The following TXK variants were observed in gnomAD, a reference collection of about 807,000 sequenced individuals.
The protein encoded by TXK is TXK tyrosine kinase, also known as tyrosine-protein kinase TXK.
Under a neutral mutation model 81.0 loss-of-function variants are expected in TXK, and 60 were observed. That is an observed-to-expected ratio of 0.74 (90% confidence interval 0.60 to 0.92). The LOEUF (loss-of-function observed/expected upper bound fraction) is 0.92, where lower values mean the gene tolerates loss of function less well. TXK is among the 40% of genes least tolerant of loss of function. TXK has a pLI of 0.00. For missense variants in TXK, 581 were observed against 638.3 expected (o/e 0.91, Z 0.97); for synonymous variants, 203 against 210.7 (o/e 0.96, Z 0.32).
At chr4:48,071,212 A>G (rs1716837881) in intron 14 of TXK, among the ~76,000 whole-genome samples, 1 of 152,102 alleles carries the variant, frequency 6.6e-6, no homozygotes, top group South Asian at 2.1e-4. Context: ...TTAATTCTTA[A>G]AGCTAATAAA....
intron 12 of TXK, among the ~76,000 whole-genome samples, 181 bp from the exon 13 acceptor site, chr4:48,074,234 G>A (rs956809167): frequency 7.2e-5 from 11 of 152,154 alleles, no homozygotes; most frequent in African/African-American, 2.7e-4. Context: ...CCCAAACAAA[G>A]TCTCAATTGT....
rs1396731686 is a variant in TXK, at chr4:48,086,463, T to C, written c.956+3A>G. 3.1e-6 allele frequency: 5 copies of C among 1,613,866 alleles called. No homozygotes were observed. The African/African-American group carries it at 6.7e-5, about 22-fold the overall frequency. ...TATTTATCAGGGTGTTGTTTATACG[T>C]ACATCATCACTTTGGCCTCTTCAAT... On this transcript the variant is annotated splice_donor_region_variant and intron_variant, in intron 10 of 14. Coordinates refer to ENST00000264316, the MANE Select transcript of TXK (RefSeq NM_003328.3).
intron 1 of TXK, among the ~76,000 whole-genome samples, chr4:48,126,874 C>A (rs947250753): frequency 2.0e-5 from 3 of 152,124 alleles, no homozygotes; most frequent in Non-Finnish European, 4.4e-5. Flanking sequence ...TAGAGAAATG[C>A]CTCCCCCAGC....
chr4:48,095,362 T>C, intron 6 of TXK, 140 bp from the exon 7 acceptor site: 1 of 624,870 alleles, frequency 1.6e-6, no homozygotes, highest in Non-Finnish European at 2.7e-6. Flanking sequence ...AATTAGATTG[T>C]CTTTACAAGT....
At chr4:48,122,589 G>A (rs1206056070) in intron 1 of TXK, among the ~76,000 whole-genome samples, 1 of 151,714 alleles carries the variant, frequency 6.6e-6, no homozygotes. Context: ...TTTGCTGTTT[G>A]TCTACCTCAC....
intron 6 of TXK, among the ~76,000 whole-genome samples, chr4:48,102,824 C>G (rs1255311478): frequency 1.3e-5 from 2 of 152,098 alleles, no homozygotes; most frequent in African/African-American, 4.8e-5. Context: ...ACTTTGAAAA[C>G]ATAATGTTTA....
intron 9 of TXK, 124 bp from the exon 10 acceptor site, chr4:48,086,761 G>A: frequency 5.9e-6 from 5 of 849,284 alleles, no homozygotes; most frequent in Non-Finnish European, 8.9e-6. Flanking sequence ...AAGTGGAGAG[G>A]ATATGAAGCC....
intron 6 of TXK, among the ~76,000 whole-genome samples, chr4:48,098,410 T>C (rs1718066873): frequency 6.6e-6 from 1 of 152,250 alleles, no homozygotes; most frequent in African/African-American, 2.4e-5. Flanking sequence ...ATTAGGTTTG[T>C]GCAAAAGTAA....
At chr4:48,089,126 T>C (rs1452367540) in intron 9 of TXK, among the ~76,000 whole-genome samples, 2 of 152,158 alleles carry the variant, frequency 1.3e-5, no homozygotes, top group African/African-American at 4.8e-5. Context: ...CAGGCACCCT[T>C]GAAACCAAAG....
intron 7 of TXK, among the ~76,000 whole-genome samples, chr4:48,094,483 A>AT (rs1222362167): frequency 1.3e-5 from 2 of 152,258 alleles, no homozygotes; most frequent in Non-Finnish European, 2.9e-5. Flanking sequence ...GTAAGTACAT[A>AT]TTGAATATCA....
intron 1 of TXK, among the ~76,000 whole-genome samples, chr4:48,132,944 TAAA>T (rs761044150): frequency 7.4e-6 from 1 of 134,472 alleles, no homozygotes; most frequent in Non-Finnish European, 1.6e-5. Context: ...AGACTCTGTC[TAAA>T]AAAAAAAAAA....
intron 1 of TXK, among the ~76,000 whole-genome samples, chr4:48,132,719 G>A (rs1719276489): frequency 6.6e-6 from 1 of 152,126 alleles, no homozygotes; most frequent in African/African-American, 2.4e-5. Flanking sequence ...GGAGGCTGAG[G>A]CAAATCACTT....
At chr4:48,121,853 A>AATGGTT (rs1485575938) in intron 1 of TXK, among the ~76,000 whole-genome samples, 2 of 152,196 alleles carry the variant, frequency 1.3e-5, no homozygotes, top group African/African-American at 4.8e-5. Context: ...GGAGATAGAG[A>AATGGTT]ATGGTTATGG....
rs1718668321 is a variant in TXK, at chr4:48,112,511, G to A, written c.176C>T (p.Ser59Phe). Reference sequence around the variant, plus strand: ...TGACGGCTGCACACGGCCCGTGTTGGACTGTGAAAACCAATAAGTGAGTTG... The same window carrying A: ...TGACGGCTGCACACGGCCCGTGTTGAACTGTGAAAACCAATAAGTGAGTTG... ...WLSQLSNKKQSNTGRVQPSKR... is the reference protein window; with the variant it reads ...WLSQLSNKKQFNTGRVQPSKR... Residue 59 changes from serine to phenylalanine, a missense_variant and splice_region_variant, in exon 4 of 15, where the codon TCC becomes TTC. Ser to Phe is a radical substitution (Grantham distance 155). Coordinates refer to ENST00000264316, the MANE Select transcript of TXK (RefSeq NM_003328.3). 6.2e-7 allele frequency: 1 copy of A among 1,608,256 alleles called. No homozygotes were observed. Among genetic ancestry groups the A allele is most frequent in the Non-Finnish European group, 8.5e-7 (1 of 1,177,734 alleles).
chr4:48,081,100 G>T (rs889913683), intron 10 of TXK, among the ~76,000 whole-genome samples: 2 of 151,260 alleles, frequency 1.3e-5, no homozygotes, highest in East Asian at 1.9e-4. Context: ...TTAATTTGGA[G>T]ATATATATAT....
chr4:48,120,378 T>C (rs1365412484), intron 1 of TXK, among the ~76,000 whole-genome samples: 1 of 150,740 alleles, frequency 6.6e-6, no homozygotes, highest in Non-Finnish European at 1.5e-5. Context: ...AAAATACATA[T>C]ATACGTATAT....
chr4:48,080,377 G>A (rs762884714), intron 10 of TXK, among the ~76,000 whole-genome samples: 11 of 152,098 alleles, frequency 7.2e-5, no homozygotes, highest in Non-Finnish European at 1.6e-4. Context: ...CTACGCGTAA[G>A]CATTTTATGT....
rs1417090086 is a variant in TXK, at chr4:48,094,102, G to T, written c.684C>A (p.Ile228=). ...RHAFQSIPEL[I]WYHQHNAAGL... is the part of the protein sequence containing the mutation. ...CGGCTGCATTGTGCTGGTGATACCA[G>T]ATTAACTCAGGGATTGATTGAAAGG... is the stretch of plus-strand genomic sequence containing the variant. The change falls in exon 8 of 15, where the codon ATC becomes ATA. Residue 228 remains isoleucine (I), a synonymous_variant. Coordinates refer to ENST00000264316, the MANE Select transcript of TXK (RefSeq NM_003328.3). 2 of 1,613,696 alleles carry T rather than the reference G, an allele frequency of 1.2e-6. No individual in the cohort carries two copies. The highest frequency in any genetic ancestry group is 1.7e-6 in the Non-Finnish European group (2 of 1,180,040).
intron 1 of TXK, among the ~76,000 whole-genome samples, chr4:48,132,235 T>G (rs1248710654): frequency 6.6e-6 from 1 of 152,192 alleles, no homozygotes; most frequent in Non-Finnish European, 1.5e-5. Context: ...TTGTTGAAGC[T>G]TGGTTCCATC....
Sources: gnomAD v4.1 joint callset for allele counts (sites outside exome capture counted in the v4.1 genomes callset) on GRCh38, gnomAD v4.1.1 for gene constraint, MANE v1.5 for transcripts, NCBI Gene and HGNC (gene_info 2026-07-23, HGNC 2026-07-21) for gene names.